The following GFPT2 variants were observed in gnomAD, a reference collection of about 807,000 sequenced individuals.
GFPT2 encodes glutamine--fructose-6-phosphate transaminase 2, also known as glutamine--fructose-6-phosphate aminotransferase [isomerizing] 2.
In GFPT2, 62 loss-of-function variants were observed where a neutral mutation model predicts 85.6. The observed-to-expected ratio is 0.72, with a 90% CI of 0.59 to 0.90. The LOEUF is 0.90. Ranked by LOEUF, GFPT2 falls within the 40% of genes least tolerant of loss-of-function variation. The pLI, the probability that GFPT2 is intolerant of heterozygous loss-of-function variation, is 0.00. For missense variants in GFPT2, 788 were observed against 893.4 expected (o/e 0.88, Z 1.50); for synonymous variants, 368 against 344.5 (o/e 1.07, Z -0.75).
intron 1 of GFPT2, chr5:180,352,471 C>G (rs1469323524): frequency 2.2e-6 from 1 of 451,868 alleles, no homozygotes. Context: ...GCCGCGGCCG[C>G]CCTCCCCACG....
At position 180,328,771 on chromosome 5, in the gene GFPT2, A is replaced by G. The variant is rs1316167439; in HGVS notation, c.535-433T>C. 4.6e-5 allele frequency among the ~76,000 whole-genome samples: 7 copies of G among 152,200 alleles called. No homozygotes were observed. The East Asian group carries it at 7.7e-4, about 17-fold the overall frequency. On this transcript the variant is annotated intron_variant, in intron 6 of 18. Transcript: ENST00000253778. The surrounding 1 kb of genome is among the most constrained non-coding windows in gnomAD (Gnocchi z 5.4). ...GTTCAAATCCTGGCTCCACCCCTGC[A>G]CTGGGCTCTCCCTTTAGCCTTCTTG...
chr5:180,304,753 T>G lies in GFPT2; in HGVS notation c.1842+19A>C, dbSNP rs1182180901. 6.2e-7 allele frequency: 1 copy of G among 1,605,736 alleles called. No homozygotes were observed. The highest frequency in any genetic ancestry group is 8.5e-7 in the Non-Finnish European group (1 of 1,174,404). ...GAAAAGCAGGAGAGAGCTGGCCCAG[T>G]CCAGTGGAGAGCCCTCACCTGGCGG... On this transcript the variant is annotated intron_variant, in intron 17 of 18. Transcript: ENST00000253778.
chr5:180,350,744 T>A (rs1386975673), intron 1 of GFPT2, among the ~76,000 whole-genome samples: 1 of 152,132 alleles, frequency 6.6e-6, no homozygotes, highest in Non-Finnish European at 1.5e-5. Flanking sequence ...TTCAGCTAAA[T>A]TCTCAGTGCA....
At position 180,312,499 on chromosome 5, in the gene GFPT2, T is replaced by TCACCAGA; in HGVS notation, c.1476_1477insTCTGGTG (p.Met493SerfsTer5). The TCACCAGA allele has an allele frequency of 6.2e-7, 1 of 1,611,426 alleles. No homozygotes were observed. The highest frequency in any genetic ancestry group is 8.5e-7 in the Non-Finnish European group (1 of 1,177,488). Reference sequence around the variant, plus strand: ...TGTAGTGAAATTCGGTCTTCAGACATCATCAAACCAAACATCACCAGAGAG... The same window carrying TCACCAGA: ...TGTAGTGAAATTCGGTCTTCAGACATCACCAGACATCAAACCAAACATCACCAGAGAG... On this transcript the variant is annotated frameshift_variant, in exon 15 of 19. Transcript: ENST00000253778. LOFTEE classifies it high-confidence loss of function.
At chr5:180,317,562 A>G (rs1764036390) in intron 10 of GFPT2, among the ~76,000 whole-genome samples, 1 of 145,446 alleles carries the variant, frequency 6.9e-6, no homozygotes, top group Admixed American at 6.6e-5. Flanking sequence ...GATCGAGACC[A>G]TCCCGGCTAA....
At chr5:180,341,836 C>A (rs2127656963) in intron 1 of GFPT2, among the ~76,000 whole-genome samples, 1 of 152,282 alleles carries the variant, frequency 6.6e-6, no homozygotes, top group African/African-American at 2.4e-5. Context: ...ATTTATGGTT[C>A]CAGAGGCTCA....
intron 17 of GFPT2, among the ~76,000 whole-genome samples, chr5:180,303,052 A>G (rs1763708648): frequency 2.0e-5 from 3 of 147,512 alleles, no homozygotes; most frequent in African/African-American, 4.9e-5. Flanking sequence ...ACATGGTGAA[A>G]CCCTGTCTCT....
At chr5:180,302,043 C>T (rs1763683372) in intron 18 of GFPT2, among the ~76,000 whole-genome samples, 1 of 151,378 alleles carries the variant, frequency 6.6e-6, no homozygotes, top group Non-Finnish European at 1.5e-5. Context: ...GTAATCCCAG[C>T]ACTTTGGGAG....
In GFPT2 at chr5:180,328,442, G is replaced by T. The variant is rs1581381192; in HGVS notation, c.535-104C>A. ...CCTGGGCCCCTCCTGATGGCGGGAG[G>T]TCCTGGGGTCCCTCGGGGAGCTGAG... On this transcript the variant is annotated intron_variant, in intron 6 of 18. Transcript: ENST00000253778. This position sits in a 1 kb window ranked among gnomAD's most constrained non-coding sequence, Gnocchi z 5.4. 2 of 867,166 alleles carry T rather than the reference G, an allele frequency of 2.3e-6. No homozygotes were observed. The highest frequency in any genetic ancestry group is 2.4e-5 in the East Asian group (1 of 40,872). 53.7% of individuals were successfully genotyped at this position (867,166 alleles called of 1,614,324 possible).
intron 16 of GFPT2, 39 bp downstream of exon 16, chr5:180,307,137 T>C (rs755532796): frequency 7.0e-7 from 1 of 1,422,252 alleles, no homozygotes; most frequent in Non-Finnish European, 9.6e-7. Flanking sequence ...CTCCTGTGCC[T>C]GTCCTCCGTG....
chr5:180,311,440 T>C (rs191224263), intron 15 of GFPT2, among the ~76,000 whole-genome samples: 58 of 152,354 alleles, frequency 3.8e-4, no homozygotes, highest in African/African-American at 1.3e-3. Context: ...AAGGAGGTCA[T>C]GATTTAGTGC....
chr5:180,301,311 T>C lies in GFPT2; in HGVS notation c.*253A>G. On this transcript the variant is annotated 3_prime_UTR_variant, in exon 19 of 19. Coordinates refer to ENST00000253778, the MANE Select transcript of GFPT2 (RefSeq NM_005110.4). ...AGAGAGCTGTATCTCTATTGCACAG[T>C]AGTGGAGAAGTCTGCTCTGATCCCC... 3.5e-6 allele frequency: 2 copies of C among 566,450 alleles called. No homozygotes were observed. The highest frequency in any genetic ancestry group is 3.1e-6 in the Non-Finnish European group (1 of 320,488). 35.1% of individuals were successfully genotyped at this position (566,450 alleles called of 1,614,324 possible). A position where few individuals can be genotyped will look rare whatever the true frequency, so the allele number is the denominator to read the frequency against.
At chr5:180,313,213 A>G (rs1210336655) in intron 14 of GFPT2, among the ~76,000 whole-genome samples, 1 of 152,158 alleles carries the variant, frequency 6.6e-6, no homozygotes, top group African/African-American at 2.4e-5. Flanking sequence ...GGACTTTAAA[A>G]TAAGCATCTC....
At chr5:180,346,768 C>T (rs1764617295) in intron 1 of GFPT2, among the ~76,000 whole-genome samples, 1 of 152,144 alleles carries the variant, frequency 6.6e-6, no homozygotes, top group Non-Finnish European at 1.5e-5. Flanking sequence ...TTCCAACTTT[C>T]CGTCCCCTTT....
At position 180,336,527 on chromosome 5, in the gene GFPT2, G is replaced by C. The variant is rs1385294776; in HGVS notation, c.166C>G (p.Leu56Val). Residue 56 changes from leucine (L) to valine (V), a missense_variant, in exon 3 of 19, where the codon CTG becomes GTG. Physicochemically the swap from Leu to Val is conservative, Grantham distance 32. Transcript: ENST00000253778. ...NHEVKERHIQ[L>V]VKKRGKVKAL... ...TTGACTTTCCCCCTTTTCTTGACCA[G>C]CTGAATGTGTCTTTCTTTGACTTCG... is the stretch of plus-strand genomic sequence containing the variant. 6.2e-7 allele frequency: 1 copy of C among 1,611,958 alleles called. No individual in the cohort carries two copies. The highest frequency in any genetic ancestry group is 8.5e-7 in the Non-Finnish European group (1 of 1,177,998).
At chr5:180,352,506 C>G (rs562579600) in intron 1 of GFPT2, 5 of 447,298 alleles carry the variant, frequency 1.1e-5, no homozygotes, top group African/African-American at 1.0e-4. Flanking sequence ...CGGGACAGCG[C>G]GGGAGCGCCG....
intron 1 of GFPT2, among the ~76,000 whole-genome samples, chr5:180,347,525 G>A (rs1764632690): frequency 6.6e-6 from 1 of 152,206 alleles, no homozygotes; most frequent in East Asian, 1.9e-4. Flanking sequence ...TTCGACATGA[G>A]CCCTCCGAGA....
chr5:180,328,443 T>G lies in GFPT2; in HGVS notation c.535-105A>C, dbSNP rs1581381194. ...CTGGGCCCCTCCTGATGGCGGGAGG[T>G]CCTGGGGTCCCTCGGGGAGCTGAGT... is the stretch of plus-strand genomic sequence containing the variant. On this transcript the variant is annotated intron_variant, in intron 6 of 18. Coordinates refer to ENST00000253778, the MANE Select transcript of GFPT2 (RefSeq NM_005110.4). This position sits in a 1 kb window ranked among gnomAD's most constrained non-coding sequence, Gnocchi z 5.4. 1 of 865,194 alleles carries G rather than the reference T, an allele frequency of 1.2e-6. No homozygotes were observed. Among genetic ancestry groups the G allele is most frequent in the South Asian group, 1.4e-5 (1 of 73,328 alleles). The allele number at this position is 865,194 out of a possible 1,614,324, so 53.6% of individuals were successfully genotyped here.
chr5:180,306,915 G>C (rs1763792137), intron 16 of GFPT2, among the ~76,000 whole-genome samples: 1 of 152,172 alleles, frequency 6.6e-6, no homozygotes. Flanking sequence ...AGCCGGAGGG[G>C]CACACCCCAG....
Sources: allele counts gnomAD v4.1 joint callset (sites outside exome capture counted in the v4.1 genomes callset), GRCh38; gene constraint gnomAD v4.1.1; non-coding constraint Gnocchi (gnomAD v3.1); transcripts MANE v1.5; gene names NCBI Gene and HGNC (gene_info 2026-07-23, HGNC 2026-07-21).